Variants in NUAK1 observed in about 807,000 individuals in gnomAD.
NUAK1 encodes the protein NUAK family SNF1-like kinase 1.
Under a neutral mutation model 56.9 loss-of-function variants are expected in NUAK1, and 26 were observed. The ratio of observed to expected loss-of-function variants is 0.46; its 90% confidence interval spans 0.33 to 0.63. The LOEUF is 0.63. NUAK1 is among the 30% of genes least tolerant of loss of function. The pLI, the probability that NUAK1 is intolerant of heterozygous loss-of-function variation, is 0.02. For synonymous variants in NUAK1, 337 were observed against 336.0 expected, an observed-to-expected ratio of 1.00 and a Z score of -0.03; for missense variants, 727 against 876.1, an observed-to-expected ratio of 0.83 and a Z score of 2.15.
intron 2 of NUAK1, among the ~76,000 whole-genome samples, chr12:106,095,446 G>A (rs963911418): frequency 2.6e-5 from 4 of 152,210 alleles, no homozygotes; most frequent in African/African-American, 4.8e-5. Flanking sequence ...GGCCAGGCCC[G>A]TGGTCCTCAC....
intron 1 of NUAK1, among the ~76,000 whole-genome samples, chr12:106,129,532 G>A (rs2033056601): frequency 6.6e-6 from 1 of 152,176 alleles, no homozygotes; most frequent in African/African-American, 2.4e-5. Flanking sequence ...GAGACACGGG[G>A]CTGAAACAAA....
At chr12:106,126,733 C>T (rs1034981684) in intron 1 of NUAK1, among the ~76,000 whole-genome samples, 1 of 152,214 alleles carries the variant, frequency 6.6e-6, no homozygotes, top group African/African-American at 2.4e-5. Context: ...GTCTTTTCCT[C>T]ATCCCTGGAA....
chr12:106,124,927 G>A (rs538187610), intron 1 of NUAK1, among the ~76,000 whole-genome samples: 2 of 151,906 alleles, frequency 1.3e-5, no homozygotes, highest in Non-Finnish European at 2.9e-5. Context: ...AACCCGGGAG[G>A]TGGAGGTTGC....
chr12:106,067,276 G>C lies in NUAK1; in HGVS notation c.1512C>G (p.Pro504=), dbSNP rs751483651. The change falls in exon 7 of 7, where the codon CCC becomes CCG. Residue 504 remains proline (P), a synonymous_variant. Coordinates refer to ENST00000261402, the MANE Select transcript of NUAK1 (RefSeq NM_014840.3). The surrounding 1 kb of genome is among the most constrained non-coding windows in gnomAD (Gnocchi z 6.0). ...NDVMGSSIPS[P]SPPDPARVTS... is the part of the protein sequence containing the mutation. ...TTACCCTGGCTGGGTCCGGGGGGCT[G>C]GGGGAGGGGATGCTGCTGCCCATCA... 1 of 1,614,070 alleles carries C rather than the reference G, an allele frequency of 6.2e-7. No homozygotes were observed. The highest frequency in any genetic ancestry group is 8.5e-7 in the Non-Finnish European group (1 of 1,179,970).
chr12:106,075,679 A>G (rs539282534), intron 4 of NUAK1, among the ~76,000 whole-genome samples: 1 of 152,358 alleles, frequency 6.6e-6, no homozygotes, highest in East Asian at 1.9e-4. Flanking sequence ...CTTGACAGTG[A>G]AGAAATAGAG....
chr12:106,072,796 T>C lies in NUAK1; in HGVS notation c.627A>G (p.Leu209=), dbSNP rs1329967069. The C allele has an allele frequency of 6.2e-7, 1 of 1,614,078 alleles. No homozygotes were observed. The highest frequency in any genetic ancestry group is 1.7e-5 in the Admixed American group (1 of 60,008). Residue 209 remains leucine (L), a synonymous_variant, in exon 5 of 7, where the codon TTA becomes TTG. Transcript: ENST00000261402. ...LSNLYQKDKF[L]QTFCGSPLYA... The stretch of plus-strand genomic sequence containing the variant: ...AGAGTGGACTCCCACAAAACGTTTG[T>C]AAGAACTTATCCTTCTGGTACAGGT...
chr12:106,087,062 G>C, intron 2 of NUAK1, 177 bp from the exon 3 acceptor site: 1 of 617,736 alleles, frequency 1.6e-6, no homozygotes, highest in South Asian at 2.5e-5. Flanking sequence ...GTCCCGCCAG[G>C]TGGAAAATGG....
intron 5 of NUAK1, among the ~76,000 whole-genome samples, chr12:106,071,234 G>A (rs926826222): frequency 1.3e-5 from 2 of 152,200 alleles, no homozygotes; most frequent in African/African-American, 4.8e-5. Context: ...TTTAAAAGAT[G>A]AGAATACTGA....
intron 2 of NUAK1, among the ~76,000 whole-genome samples, chr12:106,104,654 T>C (rs1208320785): frequency 1.3e-5 from 2 of 152,004 alleles, no homozygotes; most frequent in Non-Finnish European, 2.9e-5. Context: ...CTGTAAGAGG[T>C]GTTTGTGATG....
At chr12:106,121,538 C>A (rs942885258) in intron 1 of NUAK1, among the ~76,000 whole-genome samples, 1 of 152,104 alleles carries the variant, frequency 6.6e-6, no homozygotes, top group Non-Finnish European at 1.5e-5. Flanking sequence ...TCACTTGAGG[C>A]CAAGCATTCA....
intron 2 of NUAK1, among the ~76,000 whole-genome samples, chr12:106,089,444 T>G (rs1040779461): frequency 1.3e-5 from 2 of 152,188 alleles, no homozygotes; most frequent in African/African-American, 4.8e-5. Context: ...ATACACCAAA[T>G]ATTTTACTAA....
intron 1 of NUAK1, among the ~76,000 whole-genome samples, chr12:106,118,187 C>T (rs1189227194): frequency 3.3e-5 from 5 of 152,116 alleles, no homozygotes; most frequent in Admixed American, 6.6e-5. Context: ...GATACAATGT[C>T]ATCCCACTTC....
chr12:106,070,927 A>G (rs753699838), intron 5 of NUAK1, 21 bp from the exon 6 acceptor site: 2 of 1,613,644 alleles, frequency 1.2e-6, no homozygotes, highest in East Asian at 2.2e-5. Flanking sequence ...GAGACAGCAC[A>G]TATAGGAGAG....
intron 1 of NUAK1, among the ~76,000 whole-genome samples, chr12:106,117,985 G>A (rs766133675): frequency 9.9e-5 from 15 of 152,126 alleles, no homozygotes; most frequent in African/African-American, 1.4e-4. Context: ...GATGACTATC[G>A]TAAGTCTTAA....
At chr12:106,126,847 C>T (rs2033029891) in intron 1 of NUAK1, among the ~76,000 whole-genome samples, 1 of 152,140 alleles carries the variant, frequency 6.6e-6, no homozygotes, top group Admixed American at 6.5e-5. Context: ...TAAGTGGTGT[C>T]CACAGGGAGA....
At chr12:106,128,034 C>G (rs76860684) in intron 1 of NUAK1, among the ~76,000 whole-genome samples, 1 of 151,874 alleles carries the variant, frequency 6.6e-6, no homozygotes, top group Admixed American at 6.6e-5. Context: ...ATTTCACAGA[C>G]GAAGAAACCG....
intron 2 of NUAK1, among the ~76,000 whole-genome samples, chr12:106,094,521 T>C (rs2032673684): frequency 6.6e-6 from 1 of 152,244 alleles, no homozygotes; most frequent in Non-Finnish European, 1.5e-5. Context: ...TCTGATCTCT[T>C]GGATCTGAAA....
chr12:106,118,583 C>G (rs949036442), intron 1 of NUAK1, among the ~76,000 whole-genome samples: 1 of 152,180 alleles, frequency 6.6e-6, no homozygotes, highest in Non-Finnish European at 1.5e-5. Flanking sequence ...CTGGATCAAG[C>G]GTTGCTTTGA....
chr12:106,089,615 C>T (rs1484992278), intron 2 of NUAK1, among the ~76,000 whole-genome samples: 2 of 152,078 alleles, frequency 1.3e-5, no homozygotes, highest in African/African-American at 4.8e-5. Context: ...TGGTGAAACC[C>T]CATCTCCACC....
Sources: allele counts gnomAD v4.1 joint callset (sites outside exome capture counted in the v4.1 genomes callset), GRCh38; gene constraint gnomAD v4.1.1; non-coding constraint Gnocchi (gnomAD v3.1); transcripts MANE v1.5; gene names NCBI Gene and HGNC (gene_info 2026-07-23, HGNC 2026-07-21).